Variants in PLBD1 observed in about 807,000 individuals in gnomAD.
PLBD1 encodes the protein lysosomal leucine aminopeptidase.
In PLBD1, 60 loss-of-function variants were observed where a neutral mutation model predicts 63.0. That is an observed-to-expected ratio of 0.95 (90% CI 0.77 to 1.18). PLBD1 has a LOEUF of 1.18. Among genes scored for constraint, PLBD1 ranks in the 50% most tolerant of loss-of-function variants. PLBD1 has a pLI of 0.00. For missense variants in PLBD1, 598 were observed against 677.9 expected (o/e 0.88, Z 1.31); for synonymous variants, 262 against 248.0 (o/e 1.06, Z -0.53).
chr12:14,566,607 T>C (rs978981091), intron 1 of PLBD1, among the ~76,000 whole-genome samples: 1 of 152,164 alleles, frequency 6.6e-6, no homozygotes, highest in African/African-American at 2.4e-5. Context: ...GCAAAGGATG[T>C]AGATTTGCAT....
chr12:14,549,968 A>ACTC (rs1945644579), intron 2 of PLBD1, among the ~76,000 whole-genome samples: 1 of 151,284 alleles, frequency 6.6e-6, no homozygotes, highest in Non-Finnish European at 1.5e-5. Context: ...GTGCCCAGCC[A>ACTC]CTCCTCACTC....
chr12:14,527,391 C>T (rs1339647327), intron 6 of PLBD1, among the ~76,000 whole-genome samples: 10 of 152,096 alleles, frequency 6.6e-5, no homozygotes, highest in Non-Finnish European at 1.2e-4. Flanking sequence ...TTACTAGTAC[C>T]ATCTTGACAG....
chr12:14,567,005 G>GA (rs1945792739), intron 1 of PLBD1, among the ~76,000 whole-genome samples: 1 of 151,908 alleles, frequency 6.6e-6, no homozygotes, highest in Non-Finnish European at 1.5e-5. Flanking sequence ...TGAGGGAGGA[G>GA]AATCGCTTGA....
chr12:14,510,204 C>T (rs990974909), intron 8 of PLBD1, among the ~76,000 whole-genome samples: 1 of 152,074 alleles, frequency 6.6e-6, no homozygotes, highest in Non-Finnish European at 1.5e-5. Context: ...TCAACCTGGC[C>T]AACTGGTGAA....
At chr12:14,541,452 G>A (rs1945570264) in intron 3 of PLBD1, among the ~76,000 whole-genome samples, 1 of 152,126 alleles carries the variant, frequency 6.6e-6, no homozygotes, top group African/African-American at 2.4e-5. Flanking sequence ...ATTTTTTAAT[G>A]GTCCTTTCAC....
At chr12:14,559,461 G>A (rs1945730358) in intron 1 of PLBD1, among the ~76,000 whole-genome samples, 1 of 152,080 alleles carries the variant, frequency 6.6e-6, no homozygotes, top group Admixed American at 6.6e-5. Flanking sequence ...CCCAGAAAAG[G>A]AAGCTCATCA....
rs559022795 is a variant in PLBD1 at position 14,565,414 on chromosome 12, C to T, written c.115+2168G>A. Among the ~76,000 whole-genome samples the T allele has an allele frequency of 2.2e-3, 326 of 150,586 alleles. 2 individuals carry two copies. The highest frequency in any genetic ancestry group is 7.0e-3 in the African/African-American group (288 of 40,888). On this transcript the variant is annotated intron_variant, in intron 1 of 10. Transcript: ENST00000240617. ...CAAAGAGGTGGAGGTTGCAGTGAGC[C>T]GAGATCACGCCACTGTACCCAGCCT...
chr12:14,552,072 C>T (rs896286706), intron 2 of PLBD1, among the ~76,000 whole-genome samples: 1 of 152,140 alleles, frequency 6.6e-6, no homozygotes, highest in African/African-American at 2.4e-5. Flanking sequence ...CATTCAACAT[C>T]TGATACAATC....
intron 3 of PLBD1, 31 bp from the exon 4 acceptor site, chr12:14,540,933 C>T: frequency 1.9e-6 from 3 of 1,561,380 alleles, no homozygotes; most frequent in Non-Finnish European, 2.6e-6. Flanking sequence ...GCACCACAGT[C>T]TCAATAGTTG....
intron 6 of PLBD1, among the ~76,000 whole-genome samples, chr12:14,534,504 T>C (rs1202055039): frequency 6.6e-6 from 1 of 152,122 alleles, no homozygotes; most frequent in African/African-American, 2.4e-5. Context: ...CTGTGGGTCA[T>C]ATGTTTGCTA....
At chr12:14,564,323 T>C (rs1286397368) in intron 1 of PLBD1, among the ~76,000 whole-genome samples, 8 of 152,168 alleles carry the variant, frequency 5.3e-5, no homozygotes, top group Non-Finnish European at 1.2e-4. Flanking sequence ...ATTAAACTTT[T>C]TGACAACCAG....
chr12:14,505,759 A>G (rs1209461690), intron 10 of PLBD1, among the ~76,000 whole-genome samples: 1 of 152,254 alleles, frequency 6.6e-6, no homozygotes, highest in Non-Finnish European at 1.5e-5. Flanking sequence ...TGCTTGAATA[A>G]TATGTTCTTT....
intron 1 of PLBD1, among the ~76,000 whole-genome samples, chr12:14,565,524 T>G (rs1311095071): frequency 6.6e-6 from 1 of 151,650 alleles, no homozygotes; most frequent in Admixed American, 6.6e-5. Flanking sequence ...TTTGGATAGA[T>G]AGATGCATAT....
At chr12:14,524,912 A>G (rs1945405239) in intron 6 of PLBD1, among the ~76,000 whole-genome samples, 1 of 152,248 alleles carries the variant, frequency 6.6e-6, no homozygotes, top group Non-Finnish European at 1.5e-5. Context: ...ATGAAATGAA[A>G]AACTCACTGT....
chr12:14,563,525 CAACA>C (rs1469114520), intron 1 of PLBD1, among the ~76,000 whole-genome samples: 1 of 12,376 alleles, frequency 8.1e-5, no homozygotes, highest in Admixed American at 1.4e-3. Flanking sequence ...CTCAAAAAAA[CAACA>C]AAAAAAAAAT....
chr12:14,536,586 C>A lies in PLBD1; in HGVS notation c.683G>T (p.Cys228Phe). The A allele has an allele frequency of 6.2e-7, 1 of 1,614,124 alleles. No homozygotes were observed. Among genetic ancestry groups the A allele is most frequent in the South Asian group, 1.1e-5 (1 of 91,072 alleles). The change falls in exon 5 of 11, where the codon TGC becomes TTC. Residue 228 changes from cysteine (C) to phenylalanine (F), a missense_variant. Physicochemically the swap from Cys to Phe is radical, Grantham distance 205. Coordinates refer to ENST00000240617, the MANE Select transcript of PLBD1 (RefSeq NM_024829.6). ...ATGTCTTACCTTGATAAGAGCGGAG[C>A]AATGTCCCATGTCCCATCTCTTAAA... ...KVFKRWDMGHCSALIKVLPGF... is the reference protein window; with the variant it reads ...KVFKRWDMGHFSALIKVLPGF...
At chr12:14,548,075 G>T (rs1212837424) in intron 2 of PLBD1, among the ~76,000 whole-genome samples, 1 of 152,030 alleles carries the variant, frequency 6.6e-6, no homozygotes, top group African/African-American at 2.4e-5. Context: ...CATTGTAAAT[G>T]GTATATAAGT....
In PLBD1 at chr12:14,546,732, A is replaced by C. The variant is rs559712551; in HGVS notation, c.336-4441T>G. 1.7e-3 allele frequency among the ~76,000 whole-genome samples: 261 copies of C among 152,354 alleles called. 1 individual carries two copies. Among genetic ancestry groups the C allele is most frequent in the African/African-American group, 5.9e-3 (246 of 41,586 alleles). The stretch of plus-strand genomic sequence containing the variant: ...AACCCAAAATGTCAATATTGCCTAG[A>C]TGGGAAAATCCTTAAACAGAGGAAC... On this transcript the variant is annotated intron_variant, in intron 2 of 10. Coordinates refer to ENST00000240617, the MANE Select transcript of PLBD1 (RefSeq NM_024829.6).
chr12:14,557,458 C>T (rs747705100), intron 1 of PLBD1, among the ~76,000 whole-genome samples: 2 of 152,062 alleles, frequency 1.3e-5, no homozygotes, highest in Non-Finnish European at 2.9e-5. Context: ...GGTACATATA[C>T]AGCATGAAAT....
Sources: allele counts gnomAD v4.1 joint callset (sites outside exome capture counted in the v4.1 genomes callset), GRCh38; gene constraint gnomAD v4.1.1; transcripts MANE v1.5; gene names NCBI Gene and HGNC (gene_info 2026-07-23, HGNC 2026-07-21).